The following GRIP2 variants were observed in gnomAD, a reference collection of about 807,000 sequenced individuals.
The protein encoded by GRIP2 is glutamate receptor-interacting protein 2.
Under a neutral mutation model 108.3 loss-of-function variants are expected in GRIP2, and 58 were observed. The ratio of observed to expected loss-of-function variants is 0.54; its 90% CI spans 0.43 to 0.67. The LOEUF is 0.67. Ranked by LOEUF, GRIP2 falls within the 30% of genes least tolerant of loss-of-function variation. The probability of loss-of-function intolerance (pLI) is 0.00; values close to 1 mark genes in which losing one functional copy is unlikely to be tolerated. For missense variants in GRIP2, 1,278 were observed against 1,430.6 expected (o/e 0.89, Z 1.72); for synonymous variants, 586 against 598.2 (o/e 0.98, Z 0.30).
At chr3:14,496,845 A>G (rs1279051337) in intron 21 of GRIP2, among the ~76,000 whole-genome samples, 3 of 152,242 alleles carry the variant, frequency 2.0e-5, no homozygotes, top group African/African-American at 7.2e-5. Context: ...TATTCTCTAC[A>G]GTACAATGAT....
At chr3:14,572,867 CA>C in the GRIP2 span, 1 of 1,192,662 alleles carries the variant, frequency 8.4e-7, no homozygotes, top group Non-Finnish European at 1.2e-6. Flanking sequence ...GCTGAGCATC[CA>C]GTTCGTACTT....
At chr3:14,574,921 G>A in the GRIP2 span, 2 of 203,580 alleles carry the variant, frequency 9.8e-6, no homozygotes, top group Non-Finnish European at 2.0e-5. Flanking sequence ...TTATTCCATT[G>A]ATAGGAAATT....
Position 14,522,843 on chromosome 3 carries a change from C to T in GRIP2, c.566+157G>A. 1 of 639,520 alleles carries T rather than the reference C, an allele frequency of 1.6e-6. No homozygotes were observed. The highest frequency in any genetic ancestry group is 2.9e-6 in the Non-Finnish European group (1 of 350,374). The allele number at this position is 639,520 out of a possible 1,614,324, so 39.6% of individuals were successfully genotyped here. A position where few individuals can be genotyped will look rare whatever the true frequency, so the allele number is the denominator to read the frequency against. The stretch of plus-strand genomic sequence containing the variant: ...CTCATTTGGGGTTACATCCCGGTTC[C>T]ATCAACAACTCCCTGAATGACACCG... On this transcript the variant is annotated intron_variant, in intron 6 of 23. Transcript: ENST00000621039. The surrounding 1 kb of genome is among the most constrained non-coding windows in gnomAD (Gnocchi z 4.3).
Position 14,525,899 on chromosome 3 carries a change from C to T in GRIP2, c.73G>A (p.Ala25Thr), listed in dbSNP as rs1460288241. 6.4e-7 allele frequency: 1 copy of T among 1,561,444 alleles called. No homozygotes were observed. Among genetic ancestry groups the T allele is most frequent in the Non-Finnish European group, 8.7e-7 (1 of 1,152,408 alleles). ...DGPYSKGGKDAGGADVSLACR... is the reference protein window; with the variant it reads ...DGPYSKGGKDTGGADVSLACR... Reference sequence around the variant, plus strand: ...GCCAGGGAAACGTCGGCCCCTCCTGCGTCCTTGCCTCCTTTGGAGTAGGGC... The same window carrying T: ...GCCAGGGAAACGTCGGCCCCTCCTGTGTCCTTGCCTCCTTTGGAGTAGGGC... Residue 25 changes from alanine (A) to threonine (T), a missense_variant, in exon 2 of 24, where the codon GCA becomes ACA. Transcript: ENST00000621039.
intron 1 of GRIP2, among the ~76,000 whole-genome samples, chr3:14,554,619 G>A (rs1695205173): frequency 6.6e-6 from 1 of 152,140 alleles, no homozygotes; most frequent in Admixed American, 6.5e-5. Context: ...GGCCAGTGAA[G>A]GACCTAGAGC....
chr3:14,596,584 A>G, the GRIP2 span, among the ~76,000 whole-genome samples: 1 of 152,184 alleles, frequency 6.6e-6, no homozygotes, highest in Non-Finnish European at 1.5e-5. Flanking sequence ...AGTGGAAAGC[A>G]AAATAGACAC....
chr3:14,538,694 A>G (rs1694891362), intron 1 of GRIP2, among the ~76,000 whole-genome samples: 1 of 152,230 alleles, frequency 6.6e-6, no homozygotes, highest in South Asian at 2.1e-4. Context: ...GGTAGAGGTC[A>G]AGTAAGTCAT....
chr3:14,551,541 A>G (rs1478811588), intron 1 of GRIP2, among the ~76,000 whole-genome samples: 1 of 152,010 alleles, frequency 6.6e-6, no homozygotes, highest in Non-Finnish European at 1.5e-5. Flanking sequence ...TCCTGTGGGG[A>G]GCGGGGCTCA....
the GRIP2 span, among the ~76,000 whole-genome samples, chr3:14,598,368 G>GCA: frequency 1.7e-5 from 2 of 119,704 alleles, no homozygotes; most frequent in Non-Finnish European, 3.6e-5. Context: ...ACACACACAC[G>GCA]CACACACACA....
In GRIP2 at chr3:14,511,498, T is replaced by C. The variant is rs780719578; in HGVS notation, c.1721-19A>G. On this transcript the variant is annotated intron_variant, in intron 14 of 23. Transcript: ENST00000621039. This position sits in a 1 kb window ranked among gnomAD's most constrained non-coding sequence, Gnocchi z 4.1. ...CTGGCCGCTGGAGAAAAAGAGGCCA[T>C]GAATCTGACCTTGGTGGCCTCAGCC... 2 of 1,611,906 alleles carry C rather than the reference T, an allele frequency of 1.2e-6. No individual in the cohort carries two copies. Among genetic ancestry groups the C allele is most frequent in the South Asian group, 1.1e-5 (1 of 90,928 alleles).
chr3:14,573,387 A>G, the GRIP2 span: 3 of 1,329,600 alleles, frequency 2.3e-6, no homozygotes, highest in Non-Finnish European at 3.2e-6. Context: ...CGGGATGGTC[A>G]TCTGGAAGCA....
the GRIP2 span, among the ~76,000 whole-genome samples, chr3:14,567,352 C>A: frequency 1.3e-5 from 2 of 152,192 alleles, no homozygotes; most frequent in Non-Finnish European, 2.9e-5. Flanking sequence ...AGCATGGGAT[C>A]CCGCTCAGTG....
chr3:14,589,232 A>C, the GRIP2 span, among the ~76,000 whole-genome samples: 7 of 151,980 alleles, frequency 4.6e-5, no homozygotes, highest in Non-Finnish European at 1.0e-4. Context: ...TGTACCCATC[A>C]CTCTTCGTTG....
chr3:14,561,015 G>A (rs1191080490), upstream of GRIP2, among the ~76,000 whole-genome samples: 1 of 152,220 alleles, frequency 6.6e-6, no homozygotes, highest in Non-Finnish European at 1.5e-5. Context: ...GGGTGCAGGG[G>A]CCCCAGCTGA....
chr3:14,503,431 G>A, intron 21 of GRIP2, 135 bp downstream of exon 21: 1 of 634,476 alleles, frequency 1.6e-6, no homozygotes, highest in Non-Finnish European at 2.8e-6. Context: ...TTTTCCCACA[G>A]GGTGCCCAGG....
At chr3:14,497,673 G>A (rs1423188319) in intron 21 of GRIP2, among the ~76,000 whole-genome samples, 3 of 152,226 alleles carry the variant, frequency 2.0e-5, no homozygotes, top group Non-Finnish European at 4.4e-5. Flanking sequence ...TGTGGATCTA[G>A]AAGCATCTTC....
chr3:14,600,972 C>T, the GRIP2 span, among the ~76,000 whole-genome samples: 2 of 152,096 alleles, frequency 1.3e-5, no homozygotes, highest in African/African-American at 2.4e-5. Context: ...ATGCCTCATA[C>T]ATGTCACACA....
chr3:14,560,738 T>A (rs548388863), upstream of GRIP2, among the ~76,000 whole-genome samples: 1 of 152,348 alleles, frequency 6.6e-6, no homozygotes, highest in Admixed American at 6.5e-5. Context: ...GGTATCCCTT[T>A]TGAACTTAAG....
At position 14,522,085 on chromosome 3, in the gene GRIP2, AGC is replaced by A; in HGVS notation, c.567-300_567-299del. ...TCAGTGCAGAACCCTGAAATGTCTG[AGC>A]TGGGGGTGCTCTTCAAGCGTCACCC... On this transcript the variant is annotated intron_variant, in intron 6 of 23. Coordinates refer to ENST00000621039, the MANE Select transcript of GRIP2 (RefSeq NM_001080423.4). This position sits in a 1 kb window ranked among gnomAD's most constrained non-coding sequence, Gnocchi z 4.3. The A allele has an allele frequency of 2.8e-6, 1 of 353,860 alleles. No individual in the cohort carries two copies. The highest frequency in any genetic ancestry group is 5.1e-6 in the Non-Finnish European group (1 of 196,992). 21.9% of individuals were successfully genotyped at this position (353,860 alleles called of 1,614,324 possible).
Sources: allele counts gnomAD v4.1 joint callset (sites outside exome capture counted in the v4.1 genomes callset), GRCh38; gene constraint gnomAD v4.1.1; non-coding constraint Gnocchi (gnomAD v3.1); transcripts MANE v1.5; gene names NCBI Gene and HGNC (gene_info 2026-07-23, HGNC 2026-07-21).